The following TIMM23B variants were observed in gnomAD, a reference collection of about 807,000 sequenced individuals.
TIMM23B encodes the protein translocase of inner mitochondrial membrane 23 homolog B.
Under a neutral mutation model 27.3 loss-of-function variants are expected in TIMM23B, and 27 were observed. The observed-to-expected ratio is 0.99, with a 90% CI of 0.73 to 1.36. The LOEUF (loss-of-function observed/expected upper bound fraction) is 1.36. Ranked by LOEUF, TIMM23B falls within the 40% of genes most tolerant of loss-of-function variation. The probability of loss-of-function intolerance (pLI) is 0.00; values close to 1 mark genes in which losing one functional copy is unlikely to be tolerated. For missense variants in TIMM23B, 205 were observed against 244.2 expected (o/e 0.84, Z 1.07); for synonymous variants, 73 against 92.4 (o/e 0.79, Z 1.21).
At chr10:49,972,249 C>T (rs147021640) in intron 6 of TIMM23B, among the ~76,000 whole-genome samples, 2,182 of 152,328 alleles carry the variant, frequency 0.014, 62 homozygotes, top group African/African-American at 0.05. Flanking sequence ...CACAGTGCTG[C>T]TTGTGGGTTA....
At chr10:49,948,925 C>G (rs1436009486) in intron 2 of TIMM23B, among the ~76,000 whole-genome samples, 3 of 152,192 alleles carry the variant, frequency 2.0e-5, no homozygotes, top group African/African-American at 7.2e-5. Context: ...CTCACTCTGT[C>G]TTCCAGACTC....
In TIMM23B at chr10:49,957,029, A is replaced by T. The variant is rs1160186114; in HGVS notation, c.404-1341A>T. ...GTCCTCCTGTTTCACTTCTGCCTGG[A>T]GATAGCATTAGATCAGCAGGTTGAG... On this transcript the variant is annotated intron_variant, in intron 5 of 6. Coordinates refer to ENST00000651259, the MANE Select transcript of TIMM23B (RefSeq NM_001290117.2). Among the ~76,000 whole-genome samples, 252 of 149,032 alleles carry T rather than the reference A, an allele frequency of 1.7e-3. 3 individuals are homozygous for T. The highest frequency in any genetic ancestry group is 5.9e-3 in the African/African-American group (243 of 41,310).
rs374780628 is a variant in TIMM23B, at chr10:49,966,514, A to G, written c.515-6498A>G. Among the ~76,000 whole-genome samples the G allele has an allele frequency of 1.0e-3, 157 of 152,074 alleles. 4 individuals carry two copies. The South Asian group carries it at 0.03, about 29-fold the overall frequency. On this transcript the variant is annotated intron_variant, in intron 6 of 6. Transcript: ENST00000651259. ...AGCCTGGGTGATAGAGTGAGTTTCC[A>G]TCTTGAAATGAAAGAAATGAAATAT...
chr10:49,952,704 ACT>A (rs1839575693), intron 4 of TIMM23B, among the ~76,000 whole-genome samples, 171 bp downstream of exon 4: 1 of 149,468 alleles, frequency 6.7e-6, no homozygotes, highest in East Asian at 1.9e-4. Context: ...CAGATTACTG[ACT>A]CTAAGCTTTT....
chr10:49,967,046 A>G (rs1840192127), intron 6 of TIMM23B, among the ~76,000 whole-genome samples: 1 of 151,950 alleles, frequency 6.6e-6, no homozygotes, highest in Non-Finnish European at 1.5e-5. Context: ...CAACCTCCCA[A>G]GATGCTAGGA....
chr10:49,949,803 T>C (rs1839465899), intron 2 of TIMM23B, among the ~76,000 whole-genome samples: 2 of 150,824 alleles, frequency 1.3e-5, no homozygotes, highest in Admixed American at 6.6e-5. Flanking sequence ...TTAAAGAAAA[T>C]AGTACCTGTC....
At chr10:49,968,253 T>A (rs1180653112) in intron 6 of TIMM23B, among the ~76,000 whole-genome samples, 10 of 152,226 alleles carry the variant, frequency 6.6e-5, no homozygotes, top group African/African-American at 2.4e-4. Context: ...GGAGAAAGTG[T>A]TGTGAGCTCT....
intron 6 of TIMM23B, among the ~76,000 whole-genome samples, chr10:49,960,664 C>G (rs1839866746): frequency 1.3e-5 from 2 of 150,734 alleles, no homozygotes; most frequent in South Asian, 2.1e-4. Flanking sequence ...GCATCAAACT[C>G]TAGTCTGAGT....
At chr10:49,948,073 G>T (rs1312808723) in intron 2 of TIMM23B, among the ~76,000 whole-genome samples, 1 of 152,158 alleles carries the variant, frequency 6.6e-6, no homozygotes, top group African/African-American at 2.4e-5. Context: ...ATGGGCAAAG[G>T]ATTTGAGTAG....
intron 5 of TIMM23B, among the ~76,000 whole-genome samples, chr10:49,957,625 C>G (rs1365226860): frequency 9.2e-5 from 14 of 152,194 alleles, no homozygotes; most frequent in African/African-American, 3.1e-4. Flanking sequence ...TGGATGGGCC[C>G]TGAGTGCAGG....
At chr10:49,947,280 C>G (rs1406523513) in intron 2 of TIMM23B, among the ~76,000 whole-genome samples, 1 of 152,164 alleles carries the variant, frequency 6.6e-6, no homozygotes, top group Non-Finnish European at 1.5e-5. Context: ...TGTATTTAAT[C>G]AGAATTTTAA....
At chr10:49,954,723 AAG>A (rs1303151817) in intron 4 of TIMM23B, among the ~76,000 whole-genome samples, 2 of 137,348 alleles carry the variant, frequency 1.5e-5, no homozygotes, top group African/African-American at 5.4e-5. Flanking sequence ...ATTTAATAAT[AAG>A]AGTTTTCCTT....
At position 49,952,452 on chromosome 10, in the gene TIMM23B, C is replaced by T. The variant is rs1488251607; in HGVS notation, c.263C>T (p.Ala88Val). ...GTGAATTTTTATGATTTACCAGGGGCTGCGTTTGGGGCAATGAATGGTCTT... is the reference window on the plus strand; with the variant it reads ...GTGAATTTTTATGATTTACCAGGGGTTGCGTTTGGGGCAATGAATGGTCTT... ...FTIGGCCMTG[A>V]AFGAMNGLRL... Residue 88 changes from alanine (A) to valine (V), a missense_variant, in exon 4 of 7, where the codon GCT becomes GTT. Ala to Val is a moderately conservative substitution (Grantham distance 64). Transcript: ENST00000651259. 3 of 1,612,644 alleles carry T rather than the reference C, an allele frequency of 1.9e-6. No homozygotes were observed. The East Asian group carries it at 6.7e-5, about 36-fold the overall frequency.
At chr10:49,943,773 C>T (rs1839258180) in intron 1 of TIMM23B, among the ~76,000 whole-genome samples, 1 of 140,716 alleles carries the variant, frequency 7.1e-6, no homozygotes, top group Non-Finnish European at 1.5e-5. Flanking sequence ...AAAGAGGACC[C>T]TTGCGCTCAC....
intron 2 of TIMM23B, among the ~76,000 whole-genome samples, chr10:49,949,539 T>G (rs1839456769): frequency 6.6e-6 from 1 of 152,130 alleles, no homozygotes; most frequent in African/African-American, 2.4e-5. Flanking sequence ...AATATCATTG[T>G]AGCCCTGCAT....
intron 4 of TIMM23B, among the ~76,000 whole-genome samples, chr10:49,953,638 G>A (rs1387173479): frequency 3.9e-5 from 6 of 152,146 alleles, no homozygotes; most frequent in African/African-American, 4.8e-5. Flanking sequence ...GAGCCACTGC[G>A]CCTAGCTCTG....
At chr10:49,953,804 A>G (rs1839619004) in intron 4 of TIMM23B, among the ~76,000 whole-genome samples, 1 of 152,188 alleles carries the variant, frequency 6.6e-6, no homozygotes. Context: ...GACAAAATAC[A>G]TAGCATAGTG....
chr10:49,968,936 T>TATG (rs1589051711), intron 6 of TIMM23B, among the ~76,000 whole-genome samples: 1 of 152,352 alleles, frequency 6.6e-6, no homozygotes, highest in East Asian at 1.9e-4. Flanking sequence ...AAAATTGCGG[T>TATG]ATGATGATTA....
intron 5 of TIMM23B, among the ~76,000 whole-genome samples, chr10:49,956,438 TGTGTGTGTG>T (rs1839726614): frequency 8.3e-6 from 1 of 120,142 alleles, no homozygotes; most frequent in Non-Finnish European, 2.0e-5. Context: ...TGTGTGTGTG[TGTGTGTGTG>T]TGTGTGTGTG....
Sources: allele counts gnomAD v4.1 joint callset (sites outside exome capture counted in the v4.1 genomes callset), GRCh38; gene constraint gnomAD v4.1.1; transcripts MANE v1.5; gene names NCBI Gene and HGNC (gene_info 2026-07-23, HGNC 2026-07-21).